The following ATXN2 variants were observed in gnomAD, a reference collection of about 807,000 sequenced individuals.
The protein encoded by ATXN2 is ataxin-2.
Under a neutral mutation model 138.6 loss-of-function variants are expected in ATXN2, and 37 were observed. The ratio of observed to expected loss-of-function variants is 0.27; its 90% CI spans 0.21 to 0.35. ATXN2 has a LOEUF of 0.35. Ranked by LOEUF, ATXN2 falls within the 10% of genes least tolerant of loss-of-function variation. ATXN2 has a pLI of 1.00. For missense variants in ATXN2, 1,216 were observed against 1,480.3 expected (o/e 0.82, Z 2.93); for synonymous variants, 549 against 543.7 (o/e 1.01, Z -0.13).
At position 111,520,968 on chromosome 12, in the gene ATXN2, A is replaced by G. The variant is rs1350258052; in HGVS notation, c.702T>C (p.Asn234=). 6.4e-7 allele frequency: 1 copy of G among 1,569,544 alleles called. No homozygotes were observed. The highest frequency in any genetic ancestry group is 1.1e-5 in the South Asian group (1 of 87,098). ...GAAACATATCATTGGGATCCCATCCATTAGACTAGAAGAAAATGAAGCTTG... is the reference window on the plus strand; with the variant it reads ...GAAACATATCATTGGGATCCCATCCGTTAGACTAGAAGAAAATGAAGCTTG... The part of the protein sequence containing the change: ...ELEALENDVS[N]GWDPNDMFRY... The change falls in exon 7 of 25, where the codon AAT becomes AAC. Residue 234 remains asparagine, a synonymous_variant. Transcript: ENST00000673436.
chr12:111,581,456 C>A, intron 1 of ATXN2: 1 of 864,700 alleles, frequency 1.2e-6, no homozygotes, highest in Non-Finnish European at 2.0e-6. Context: ...CAAGGAGGAG[C>A]AAGAGGTGGC....
intron 14 of ATXN2, among the ~76,000 whole-genome samples, chr12:111,490,992 CTG>C (rs975112374): frequency 6.6e-6 from 1 of 152,104 alleles, no homozygotes; most frequent in African/African-American, 2.4e-5. Flanking sequence ...GCACTATGGT[CTG>C]TAATCCCAGC....
chr12:111,599,339 C>T (rs1885144467), upstream of ATXN2: 1 of 612,670 alleles, frequency 1.6e-6, no homozygotes, highest in Non-Finnish European at 2.0e-6. Flanking sequence ...GGGGCCGGGG[C>T]CGGGCGGGGG....
chr12:111,500,528 A>T (rs1191117641), intron 14 of ATXN2, among the ~76,000 whole-genome samples: 1 of 152,214 alleles, frequency 6.6e-6, no homozygotes, highest in Non-Finnish European at 1.5e-5. Context: ...AAGAACGAAT[A>T]AGAACTCTGC....
At chr12:111,559,807 C>A (rs1419419329) in intron 1 of ATXN2, among the ~76,000 whole-genome samples, 437 of 140,088 alleles carry the variant, frequency 3.1e-3, no homozygotes, top group African/African-American at 8.7e-3. Context: ...AAAAAAAAAA[C>A]ACTTAATACA....
rs12301585 is a variant in ATXN2 at position 111,457,405 on chromosome 12, A to C, written c.2897-46T>G. 0.02 allele frequency: 31,258 copies of C among 1,554,002 alleles called. 5,021 individuals are homozygous for C. The African/African-American group carries it at 0.36, about 18-fold the overall frequency. Reference sequence around the variant, plus strand: ...GCATGTACACAACCGATGTCTGACAACCTCCATCGCTCCTCTACACTTCAT... The same window carrying C: ...GCATGTACACAACCGATGTCTGACACCCTCCATCGCTCCTCTACACTTCAT... On this transcript the variant is annotated intron_variant, in intron 21 of 24. Coordinates refer to ENST00000673436, the MANE Select transcript of ATXN2 (RefSeq NM_001372574.1).
rs748838859 is a variant in ATXN2 at position 111,583,766 on chromosome 12, CAAAAAAAAAAAA to C, written c.251+15006_251+15017del. On this transcript the variant is annotated intron_variant, in intron 1 of 24. Coordinates refer to ENST00000673436, the MANE Select transcript of ATXN2 (RefSeq NM_001372574.1). ...TGGGCAACACAGCAAGACTCCGACT[CAAAAAAAAAAAA>C]AAAAAAAAAAAACAGTGAACCATGA... Among the ~76,000 whole-genome samples the C allele has an allele frequency of 1.4e-4, 8 of 58,120 alleles. No individual in the cohort carries two copies. In the Admixed American group the frequency reaches 1.5e-3, roughly 11 times the overall value. 38.1% of individuals were successfully genotyped at this position (58,120 alleles called of 152,430 possible).
intron 6 of ATXN2, among the ~76,000 whole-genome samples, chr12:111,521,211 T>C (rs1880140432): frequency 6.6e-6 from 1 of 152,212 alleles, no homozygotes; most frequent in Non-Finnish European, 1.5e-5. Flanking sequence ...TTTAGAACAT[T>C]TTAATTACTT....
At chr12:111,469,243 G>A (rs1337622341) in intron 20 of ATXN2, 2 of 152,052 alleles carry the variant, frequency 1.3e-5, no homozygotes, top group Admixed American at 6.6e-5. Context: ...AAAACTAAAC[G>A]ACACTACGGT....
At chr12:111,502,709 G>A (rs1374513187) in intron 14 of ATXN2, among the ~76,000 whole-genome samples, 3 of 152,148 alleles carry the variant, frequency 2.0e-5, no homozygotes, top group African/African-American at 7.2e-5. Flanking sequence ...GGGATTACAG[G>A]AGTGAGCCAT....
At chr12:111,569,592 C>A (rs1348391126) in intron 1 of ATXN2, among the ~76,000 whole-genome samples, 5 of 152,058 alleles carry the variant, frequency 3.3e-5, no homozygotes, top group Non-Finnish European at 7.4e-5. Context: ...TGGCTCATGC[C>A]TACAGTTCCA....
chr12:111,595,308 A>C (rs942297199), intron 1 of ATXN2, among the ~76,000 whole-genome samples: 9 of 152,250 alleles, frequency 5.9e-5, no homozygotes, highest in Non-Finnish European at 1.0e-4. Context: ...ATCTATAACA[A>C]AAAAGTGGAA....
At chr12:111,537,826 AG>A (rs1881278101) in intron 5 of ATXN2, among the ~76,000 whole-genome samples, 2 of 151,292 alleles carry the variant, frequency 1.3e-5, no homozygotes, top group African/African-American at 4.9e-5. Context: ...CTGGGAGCAG[AG>A]GTTCATGCCT....
chr12:111,513,310 G>C (rs1879652363), intron 11 of ATXN2, 47 bp downstream of exon 11: 1 of 1,589,070 alleles, frequency 6.3e-7, no homozygotes, highest in South Asian at 1.1e-5. Context: ...TTTATATCTA[G>C]TGTAATGACA....
intron 1 of ATXN2, among the ~76,000 whole-genome samples, chr12:111,558,401 T>C (rs550024457): frequency 1.1e-4 from 17 of 152,378 alleles, no homozygotes; most frequent in African/African-American, 4.1e-4. Context: ...TATGATTAGA[T>C]AGATCAGGTT....
At chr12:111,592,782 C>CAAAAAAAAAAATAA (rs1884736300) in intron 1 of ATXN2, among the ~76,000 whole-genome samples, 1 of 26,018 alleles carries the variant, frequency 3.8e-5, no homozygotes, top group African/African-American at 1.1e-4. Context: ...GACTCCGTCT[C>CAAAAAAAAAAATAA]AAAAAAAAAA....
intron 5 of ATXN2, among the ~76,000 whole-genome samples, chr12:111,541,273 T>C (rs1408561278): frequency 6.7e-6 from 1 of 149,532 alleles, no homozygotes; most frequent in African/African-American, 2.4e-5. Context: ...AGTGCTATAT[T>C]GCATATTAAT....
chr12:111,584,313 CAG>C (rs932463360), intron 1 of ATXN2, among the ~76,000 whole-genome samples: 6 of 122,558 alleles, frequency 4.9e-5, no homozygotes, highest in Admixed American at 4.6e-4. Flanking sequence ...GCCCAGGAAA[CAG>C]AGGTTGCAGT....
At chr12:111,482,059 T>C (rs2135692249) in intron 18 of ATXN2, among the ~76,000 whole-genome samples, 1 of 151,986 alleles carries the variant, frequency 6.6e-6, no homozygotes, top group South Asian at 2.1e-4. Context: ...TAGGTAAAAG[T>C]GGTATATTCA....
Sources: gnomAD v4.1 joint callset for allele counts (sites outside exome capture counted in the v4.1 genomes callset) on GRCh38, gnomAD v4.1.1 for gene constraint, MANE v1.5 for transcripts, NCBI Gene and HGNC (gene_info 2026-07-23, HGNC 2026-07-21) for gene names.